Variants in COL23A1 observed in about 807,000 individuals in gnomAD.
The protein encoded by COL23A1 is collagen type XXIII alpha 1 chain, also known as collagen alpha-1(XXIII) chain.
In COL23A1, 97 loss-of-function variants were observed where a neutral mutation model predicts 99.3. The ratio of observed to expected loss-of-function variants is 0.98; its 90% confidence interval spans 0.83 to 1.16. The LOEUF (loss-of-function observed/expected upper bound fraction) is 1.16. COL23A1 is among the 50% of genes most tolerant of loss of function. COL23A1 has a pLI of 0.00. For missense variants in COL23A1, 762 were observed against 757.4 expected, an observed-to-expected ratio of 1.01 and a Z score of -0.07; for synonymous variants, 320 against 308.2, an observed-to-expected ratio of 1.04 and a Z score of -0.40.
In COL23A1 at chr5:178,527,019, C is replaced by T. The variant is rs117326540; in HGVS notation, c.361+33663G>A. Among the ~76,000 whole-genome samples the T allele has an allele frequency of 5.3e-4, 81 of 152,240 alleles. 1 individual carries two copies. In the East Asian group the frequency reaches 8.5e-3, roughly 16 times the overall value. Reference sequence around the variant, plus strand: ...GGGCCCAGGCCAATTACAGCCAGGACGGGGAGGGGGAAGCTGAGTCCGGAA... The same window carrying T: ...GGGCCCAGGCCAATTACAGCCAGGATGGGGAGGGGGAAGCTGAGTCCGGAA... On this transcript the variant is annotated intron_variant, in intron 2 of 28. Transcript: ENST00000390654.
At chr5:178,459,533 A>T in intron 2 of COL23A1, among the ~76,000 whole-genome samples, 1 of 152,192 alleles carries the variant, frequency 6.6e-6, no homozygotes, top group East Asian at 1.9e-4. Flanking sequence ...AGGCCAAGGC[A>T]GGTGGATCAC....
At chr5:178,488,850 G>A (rs988290172) in intron 2 of COL23A1, among the ~76,000 whole-genome samples, 61 of 152,352 alleles carry the variant, frequency 4.0e-4, no homozygotes, top group African/African-American at 1.3e-3. Context: ...TAGGAAGGAA[G>A]AGGTGGTGTC....
intron 2 of COL23A1, among the ~76,000 whole-genome samples, chr5:178,503,850 T>G (rs2127988503): frequency 6.6e-6 from 1 of 152,144 alleles, no homozygotes; most frequent in South Asian, 2.1e-4. Flanking sequence ...AAATTAAAAC[T>G]CCAGGTAAGG....
rs771487768 is a variant in COL23A1, at chr5:178,256,410, G to A, written c.838-13C>T. Reference sequence around the variant, plus strand: ...GGCCAGGCTCCCCCTGTGGAGACATGCATTTGCAGCCAGAGGTGCAGCTGT... The same window carrying A: ...GGCCAGGCTCCCCCTGTGGAGACATACATTTGCAGCCAGAGGTGCAGCTGT... On this transcript the variant is annotated splice_polypyrimidine_tract_variant and intron_variant, in intron 14 of 28. Coordinates refer to ENST00000390654, the MANE Select transcript of COL23A1 (RefSeq NM_173465.4). 6.2e-7 allele frequency: 1 copy of A among 1,603,474 alleles called. No homozygotes were observed. Among genetic ancestry groups the A allele is most frequent in the South Asian group, 1.1e-5 (1 of 90,078 alleles).
chr5:178,454,071 C>T (rs950683675), intron 2 of COL23A1, among the ~76,000 whole-genome samples: 7 of 152,080 alleles, frequency 4.6e-5, no homozygotes, highest in African/African-American at 1.7e-4. Flanking sequence ...CGTCTTCATA[C>T]GGTGGAGCAC....
chr5:178,244,326 G>T (rs1051982371), intron 25 of COL23A1, among the ~76,000 whole-genome samples: 1 of 152,122 alleles, frequency 6.6e-6, no homozygotes, highest in African/African-American at 2.4e-5. Context: ...GTGGGCACCA[G>T]AGTCCTTGCA....
chr5:178,518,494 C>A (rs1283478636), intron 2 of COL23A1, among the ~76,000 whole-genome samples: 55 of 148,444 alleles, frequency 3.7e-4, no homozygotes, highest in South Asian at 6.4e-4. Flanking sequence ...CGCCCCTCAC[C>A]TCCCGGACGG....
At chr5:178,534,972 C>CTTT (rs35460582) in intron 2 of COL23A1, among the ~76,000 whole-genome samples, 2 of 130,080 alleles carry the variant, frequency 1.5e-5, no homozygotes, top group African/African-American at 2.9e-5. Context: ...TTTCCTTTTT[C>CTTT]TTTTTTTTTT....
intron 3 of COL23A1, 54 bp from the exon 4 acceptor site, chr5:178,290,423 G>C: frequency 6.2e-7 from 1 of 1,612,616 alleles, no homozygotes; most frequent in South Asian, 1.1e-5. Context: ...GAGTCCCCTC[G>C]CCTGTCCTCA....
intron 18 of COL23A1, 48 bp downstream of exon 18, chr5:178,250,013 C>T (rs1764947477): frequency 4.4e-6 from 7 of 1,593,898 alleles, no homozygotes; most frequent in Non-Finnish European, 6.0e-6. Context: ...ACACACAGAG[C>T]CCAATACCAG....
At position 178,387,154 on chromosome 5, in the gene COL23A1, A is replaced by G. The variant is rs948992998; in HGVS notation, c.362-80235T>C. 2.0e-5 allele frequency among the ~76,000 whole-genome samples: 3 copies of G among 151,174 alleles called. No individual in the cohort carries two copies. The highest frequency in any genetic ancestry group is 2.9e-5 in the Non-Finnish European group (2 of 67,808). ...CCAACAACACCCTCTTTTCTCTTTC[A>G]TTTTACCCATCCTGGTGCTGACAGC... On this transcript the variant is annotated intron_variant, in intron 2 of 28. Coordinates refer to ENST00000390654, the MANE Select transcript of COL23A1 (RefSeq NM_173465.4). This position sits in a 1 kb window ranked among gnomAD's most constrained non-coding sequence, Gnocchi z 4.7.
At chr5:178,373,329 C>T (rs916294499) in intron 2 of COL23A1, among the ~76,000 whole-genome samples, 8 of 152,210 alleles carry the variant, frequency 5.3e-5, no homozygotes, top group Non-Finnish European at 7.3e-5. Flanking sequence ...GCAGCGCCCT[C>T]GTTTGGGTTC....
At chr5:178,358,065 A>G (rs1361026852) in intron 2 of COL23A1, among the ~76,000 whole-genome samples, 1 of 121,144 alleles carries the variant, frequency 8.3e-6, no homozygotes, top group Non-Finnish European at 1.7e-5. Flanking sequence ...ATGTATGTGT[A>G]TTGTGTGTAT....
chr5:178,247,976 G>T, intron 20 of COL23A1, 145 bp from the exon 21 acceptor site: 2 of 784,934 alleles, frequency 2.5e-6, no homozygotes, highest in Non-Finnish European at 4.1e-6. Context: ...CAGCTGGTCT[G>T]CGGAGCTTAT....
intron 5 of COL23A1, among the ~76,000 whole-genome samples, chr5:178,277,900 C>T (rs1358546561): frequency 6.6e-6 from 1 of 152,164 alleles, no homozygotes; most frequent in African/African-American, 2.4e-5. Flanking sequence ...AGAGCTTGAC[C>T]CCCGTGGGGT....
At position 178,366,310 on chromosome 5, in the gene COL23A1, T is replaced by C. The variant is rs1201562315; in HGVS notation, c.362-59391A>G. On this transcript the variant is annotated intron_variant, in intron 2 of 28. Coordinates refer to ENST00000390654, the MANE Select transcript of COL23A1 (RefSeq NM_173465.4). This position sits in a 1 kb window ranked among gnomAD's most constrained non-coding sequence, Gnocchi z 4.4. ...CCGAGGTTCCCTCTGCACCCCACGA[T>C]GGGCGCTGCGTCCTCCATCCTCTGG... Among the ~76,000 whole-genome samples the C allele has an allele frequency of 4.6e-5, 7 of 152,220 alleles. No individual in the cohort carries two copies. The highest frequency in any genetic ancestry group is 1.7e-4 in the African/African-American group (7 of 41,472).
chr5:178,559,801 G>C (rs887689402), intron 2 of COL23A1, among the ~76,000 whole-genome samples: 18 of 135,208 alleles, frequency 1.3e-4, no homozygotes, highest in Non-Finnish European at 1.6e-5. Flanking sequence ...AGAAGTCTGA[G>C]ACACATCACC....
Position 178,499,423 on chromosome 5 carries a change from G to A in COL23A1, c.361+61259C>T, listed in dbSNP as rs148271314. On this transcript the variant is annotated intron_variant, in intron 2 of 28. Coordinates refer to ENST00000390654, the MANE Select transcript of COL23A1 (RefSeq NM_173465.4). ...GATCTTACGTGCCTTGATACACTGTGATGAGGATACTTCACCTCTGTGACC... is the reference window on the plus strand; with the variant it reads ...GATCTTACGTGCCTTGATACACTGTAATGAGGATACTTCACCTCTGTGACC... 5.6e-3 allele frequency among the ~76,000 whole-genome samples: 848 copies of A among 152,292 alleles called. 5 individuals carry two copies. The highest frequency in any genetic ancestry group is 0.026 in the Admixed American group (400 of 15,304).
At chr5:178,545,593 G>A (rs1761536586) in intron 2 of COL23A1, among the ~76,000 whole-genome samples, 1 of 152,170 alleles carries the variant, frequency 6.6e-6, no homozygotes, top group Admixed American at 6.5e-5. Flanking sequence ...GGAACCTCGA[G>A]TTCAAGGGCT....
Sources: gnomAD v4.1 joint callset for allele counts (sites outside exome capture counted in the v4.1 genomes callset) on GRCh38, gnomAD v4.1.1 for gene constraint, Gnocchi (gnomAD v3.1) non-coding constraint, MANE v1.5 for transcripts, NCBI Gene and HGNC (gene_info 2026-07-23, HGNC 2026-07-21) for gene names.